The following CCDC146 variants were observed in gnomAD, a reference collection of about 807,000 sequenced individuals.
CCDC146 encodes the protein coiled-coil domain containing 146, also known as coiled-coil domain-containing protein 146.
Under a neutral mutation model 119.3 loss-of-function variants are expected in CCDC146, and 92 were observed. The observed-to-expected ratio is 0.77, with a 90% CI of 0.65 to 0.92. CCDC146 has a LOEUF of 0.92. CCDC146 is among the 40% of genes least tolerant of loss of function. The probability of loss-of-function intolerance (pLI) is 0.00; values close to 1 mark genes in which losing one functional copy is unlikely to be tolerated. For synonymous variants in CCDC146, 372 were observed against 371.8 expected (o/e 1.00, Z -0.01); for missense variants, 1,000 against 1,103.0 (o/e 0.91, Z 1.32).
chr7:77,218,082 G>A (rs1792332635), intron 2 of CCDC146, among the ~76,000 whole-genome samples: 1 of 152,036 alleles, frequency 6.6e-6, no homozygotes, highest in Non-Finnish European at 1.5e-5. Flanking sequence ...AATGTGTTGT[G>A]CTACAATGTC....
chr7:77,138,284 C>A (rs1451440860), intron 1 of CCDC146, among the ~76,000 whole-genome samples: 5 of 119,298 alleles, frequency 4.2e-5, no homozygotes, highest in Non-Finnish European at 1.8e-5. Flanking sequence ...CTGGAGGGGG[C>A]AGTTGCAAAA....
intron 2 of CCDC146, among the ~76,000 whole-genome samples, chr7:77,183,780 A>T (rs943956493): frequency 1.3e-5 from 2 of 152,196 alleles, no homozygotes; most frequent in African/African-American, 4.8e-5. Context: ...GCTAATTTAC[A>T]GTAGCTTTGG....
intron 2 of CCDC146, among the ~76,000 whole-genome samples, chr7:77,227,587 G>A (rs1267803332): frequency 6.6e-6 from 1 of 152,214 alleles, no homozygotes; most frequent in Non-Finnish European, 1.5e-5. Flanking sequence ...TTACAGGCGT[G>A]AGCCACGGCG....
rs1172556179 is a variant in CCDC146, at chr7:77,199,002, ATTAGG to A, written c.156+31180_156+31184del. The A allele has an allele frequency of 6.4e-5, 39 of 605,828 alleles. No individual in the cohort carries two copies. The East Asian group carries it at 1.1e-3, about 17-fold the overall frequency. The allele number at this position is 605,828 out of a possible 1,614,324, so 37.5% of individuals were successfully genotyped here. On this transcript the variant is annotated intron_variant, in intron 2 of 18. Coordinates refer to ENST00000285871, the MANE Select transcript of CCDC146 (RefSeq NM_020879.3). The stretch of plus-strand genomic sequence containing the variant: ...TACAGAACTAACTATGATTTTTGTA[ATTAGG>A]TCATATTTATGTGGTCATATTTGAG...
At chr7:77,244,710 C>T (rs533405868) in intron 4 of CCDC146, among the ~76,000 whole-genome samples, 2 of 152,288 alleles carry the variant, frequency 1.3e-5, no homozygotes, top group African/African-American at 2.4e-5. Context: ...AGTTGCCTAA[C>T]GACGCGTCTC....
At chr7:77,271,360 T>G (rs1454944749) in intron 9 of CCDC146, among the ~76,000 whole-genome samples, 1 of 151,384 alleles carries the variant, frequency 6.6e-6, no homozygotes. Context: ...AACATCGGAC[T>G]CCAAGTTTCT....
At chr7:77,130,864 T>G (rs1170675582) in intron 1 of CCDC146, among the ~76,000 whole-genome samples, 4 of 150,536 alleles carry the variant, frequency 2.7e-5, no homozygotes, top group Non-Finnish European at 5.9e-5. Context: ...CCCAAAGTGC[T>G]GGGATTACAG....
At chr7:77,151,929 C>G (rs868158776) in intron 1 of CCDC146, among the ~76,000 whole-genome samples, 1 of 152,108 alleles carries the variant, frequency 6.6e-6, no homozygotes, top group Non-Finnish European at 1.5e-5. Context: ...TGTAGTGCTC[C>G]CAGCCAGCCT....
chr7:77,159,953 T>C (rs1791233511), intron 1 of CCDC146, among the ~76,000 whole-genome samples: 1 of 152,206 alleles, frequency 6.6e-6, no homozygotes, highest in Non-Finnish European at 1.5e-5. Flanking sequence ...GTATAAGGTG[T>C]AAGGAAGGGA....
At chr7:77,267,413 G>C (rs1187538529) in intron 9 of CCDC146, among the ~76,000 whole-genome samples, 1 of 152,112 alleles carries the variant, frequency 6.6e-6, no homozygotes, top group Non-Finnish European at 1.5e-5. Flanking sequence ...TCCTAATCAA[G>C]TCATCTTCCT....
chr7:77,197,666 C>T (rs965206891), intron 2 of CCDC146, among the ~76,000 whole-genome samples: 2 of 152,142 alleles, frequency 1.3e-5, no homozygotes, highest in African/African-American at 4.8e-5. Context: ...GTGTTAAAAT[C>T]CTAATGCATA....
intron 11 of CCDC146, among the ~76,000 whole-genome samples, chr7:77,275,936 G>A (rs749762999): frequency 2.2e-4 from 33 of 152,112 alleles, no homozygotes; most frequent in Non-Finnish European, 4.4e-4. Context: ...GCCAGGCATG[G>A]TGACTCATGC....
intron 2 of CCDC146, among the ~76,000 whole-genome samples, chr7:77,181,920 C>T (rs1019762611): frequency 3.9e-5 from 6 of 151,976 alleles, no homozygotes; most frequent in African/African-American, 7.2e-5. Flanking sequence ...TGATGGTTTG[C>T]GTAATCATAT....
Position 77,287,455 on chromosome 7 carries a change from G to C in CCDC146, c.2293G>C (p.Ala765Pro). The change falls in exon 17 of 19, where the codon GCC becomes CCC. Residue 765 changes from alanine (A) to proline (P), a missense_variant. Physicochemically the swap from Ala to Pro is conservative, Grantham distance 27. This residue lies in a region of CCDC146 where 985 missense variants were observed against 1,045.3 expected (regional missense o/e 0.94). Transcript: ENST00000285871. ...QKLDKLELQL[A>P]KKEEKLLEKD... is the part of the protein sequence containing the mutation. The stretch of plus-strand genomic sequence containing the variant: ...TCAAACATAGCTGGAACTACAACTG[G>C]CCAAGAAGGAGGAGAAGCTGCTGGA... The C allele has an allele frequency of 6.2e-7, 1 of 1,613,974 alleles. No individual in the cohort carries two copies. Among genetic ancestry groups the C allele is most frequent in the Non-Finnish European group, 8.5e-7 (1 of 1,179,960 alleles).
At chr7:77,274,950 C>T (rs1362599908) in intron 11 of CCDC146, among the ~76,000 whole-genome samples, 1 of 151,698 alleles carries the variant, frequency 6.6e-6, no homozygotes, top group African/African-American at 2.4e-5. Flanking sequence ...ATGGGTGCAG[C>T]ACACCAACAT....
At chr7:77,129,555 T>C (rs71570345) in intron 1 of CCDC146, among the ~76,000 whole-genome samples, 2 of 152,074 alleles carry the variant, frequency 1.3e-5, no homozygotes, top group African/African-American at 2.4e-5. Context: ...ATAGTGTATA[T>C]AGAGTTTGGT....
intron 1 of CCDC146, among the ~76,000 whole-genome samples, chr7:77,125,259 A>G (rs1240593757): frequency 7.0e-6 from 1 of 143,252 alleles, no homozygotes; most frequent in East Asian, 2.0e-4. Context: ...TAGCTGATAT[A>G]TTATGCAACA....
chr7:77,252,068 G>GA (rs1793086272), intron 4 of CCDC146, among the ~76,000 whole-genome samples: 2 of 152,132 alleles, frequency 1.3e-5, no homozygotes, highest in Admixed American at 6.5e-5. Context: ...AGAATTGCTG[G>GA]AACCCACAAG....
At position 77,175,573 on chromosome 7, in the gene CCDC146, G is replaced by A. The variant is rs538935794; in HGVS notation, c.156+7749G>A. 6.6e-4 allele frequency among the ~76,000 whole-genome samples: 100 copies of A among 151,386 alleles called. 4 individuals are homozygous for A. The highest frequency in any genetic ancestry group is 3.0e-3 in the East Asian group (15 of 4,992). On this transcript the variant is annotated intron_variant, in intron 2 of 18. Coordinates refer to ENST00000285871, the MANE Select transcript of CCDC146 (RefSeq NM_020879.3). Reference sequence around the variant, plus strand: ...AAACAAGTTATATATAAAACTATGAGTGGTTGTACTTCTTACAAAATATGT... The same window carrying A: ...AAACAAGTTATATATAAAACTATGAATGGTTGTACTTCTTACAAAATATGT...
Sources: gnomAD v4.1 joint callset for allele counts (sites outside exome capture counted in the v4.1 genomes callset) on GRCh38, gnomAD v4.1.1 for gene constraint, gnomAD v4.1.1 regional missense constraint, MANE v1.5 for transcripts, NCBI Gene and HGNC (gene_info 2026-07-23, HGNC 2026-07-21) for gene names.